The following TLE1 variants were observed in gnomAD, a reference collection of about 807,000 sequenced individuals.
TLE1 encodes the protein TLE family member 1, transcriptional corepressor.
In TLE1, 21 loss-of-function variants were observed where a neutral mutation model predicts 89.8. That is an observed-to-expected ratio of 0.23 (90% CI 0.17 to 0.34). The LOEUF is 0.34. TLE1 is among the 10% of genes least tolerant of loss of function. The pLI, the probability that TLE1 is intolerant of heterozygous loss-of-function variation, is 1.00. For synonymous variants in TLE1, 447 were observed against 407.6 expected (o/e 1.10, Z -1.16); for missense variants, 795 against 1,031.2 (o/e 0.77, Z 3.14).
intron 14 of TLE1, among the ~76,000 whole-genome samples, chr9:81,594,216 T>C (rs964847010): frequency 5.3e-5 from 8 of 152,326 alleles, no homozygotes; most frequent in Admixed American, 5.2e-4. Context: ...ACGGCCCCTC[T>C]GGGCCACAAG....
chr9:81,680,099 G>A (rs1205847001), intron 4 of TLE1, among the ~76,000 whole-genome samples: 1 of 152,158 alleles, frequency 6.6e-6, no homozygotes, highest in South Asian at 2.1e-4. Context: ...TGGGTTCTGC[G>A]GGTGTATGCT....
chr9:81,588,670 G>A (rs1012108699), intron 16 of TLE1, among the ~76,000 whole-genome samples: 2 of 152,174 alleles, frequency 1.3e-5, no homozygotes, highest in Admixed American at 6.5e-5. Context: ...CTGAGGGGAG[G>A]TCAGTGTAAG....
chr9:81,624,289 T>G (rs995974660), intron 8 of TLE1, among the ~76,000 whole-genome samples: 1 of 152,170 alleles, frequency 6.6e-6, no homozygotes, highest in Admixed American at 6.5e-5. Context: ...TACTTTAAAA[T>G]GAACTAGGAA....
At chr9:81,618,825 G>A (rs147518710) in intron 9 of TLE1, among the ~76,000 whole-genome samples, 189 of 152,266 alleles carry the variant, frequency 1.2e-3, no homozygotes, top group African/African-American at 4.3e-3. Context: ...TGAGTTTACC[G>A]TAATTTAAAT....
At chr9:81,636,722 C>T (rs1827408292) in intron 6 of TLE1, among the ~76,000 whole-genome samples, 1 of 152,018 alleles carries the variant, frequency 6.6e-6, no homozygotes, top group Admixed American at 6.6e-5. Flanking sequence ...TAAAGATTTC[C>T]GGCCAGGCAC....
At position 81,610,296 on chromosome 9, in the gene TLE1, C is replaced by T; in HGVS notation, c.1255G>A (p.Val419Met). 1 of 1,613,516 alleles carries T rather than the reference C, an allele frequency of 6.2e-7. No individual in the cohort carries two copies. Among genetic ancestry groups the T allele is most frequent in the South Asian group, 1.1e-5 (1 of 90,830 alleles). Residue 419 changes from valine to methionine, a missense_variant and splice_region_variant, in exon 14 of 20, where the codon GTG becomes ATG. Physicochemically the swap from Val to Met is conservative, Grantham distance 21. Transcript: ENST00000376499. ...AVVAYGRSPMVGFDPPPHMRV... is the reference protein window; with the variant it reads ...AVVAYGRSPMMGFDPPPHMRV... ...ATGTGAGGGGGAGGATCAAACCCCA[C>T]CTGGAAACAAAAATAAGGCATTGCA...
chr9:81,611,554 G>A (rs1022598746), intron 13 of TLE1, among the ~76,000 whole-genome samples: 1 of 152,184 alleles, frequency 6.6e-6, no homozygotes, highest in African/African-American at 2.4e-5. Context: ...AACAAAAAAC[G>A]TTTGGCCCTC....
At chr9:81,588,551 G>T (rs1828977475) in intron 16 of TLE1, among the ~76,000 whole-genome samples, 1 of 152,148 alleles carries the variant, frequency 6.6e-6, no homozygotes. Flanking sequence ...CGGAGCACAA[G>T]GTTGTTCTTT....
chr9:81,632,934 T>C (rs1826863201), intron 8 of TLE1, among the ~76,000 whole-genome samples: 2 of 152,232 alleles, frequency 1.3e-5, no homozygotes, highest in Admixed American at 6.5e-5. Context: ...CACAAAGGGA[T>C]TGTGATCTCT....
At chr9:81,587,019 T>A (rs1214711563) in intron 17 of TLE1, among the ~76,000 whole-genome samples, 1 of 152,234 alleles carries the variant, frequency 6.6e-6, no homozygotes, top group Non-Finnish European at 1.5e-5. Flanking sequence ...CAGAAAGCAT[T>A]TAAAATGGCA....
chr9:81,670,411 C>T (rs974121361), intron 4 of TLE1, among the ~76,000 whole-genome samples: 6 of 152,096 alleles, frequency 3.9e-5, no homozygotes, highest in Non-Finnish European at 7.4e-5. Flanking sequence ...CTGCAACCTC[C>T]GCCTCCCGGG....
rs558704626 is a variant in TLE1, at chr9:81,611,807, C to T, written c.1216G>A (p.Ala406Thr). 24 of 1,548,602 alleles carry T rather than the reference C, an allele frequency of 1.5e-5. No homozygotes were observed. In the East Asian group the frequency reaches 1.8e-4, roughly 11 times the overall value. The change falls in exon 13 of 20, where the codon GCC becomes ACC. Residue 406 changes from alanine to threonine, a missense_variant. Coordinates refer to ENST00000376499, the MANE Select transcript of TLE1 (RefSeq NM_005077.5). The part of the protein sequence containing the change: ...NMSPQMSAAA[A>T]AAAVVAYGRS... The stretch of plus-strand genomic sequence containing the variant: ...CCGTAGGCCACCACGGCGGCCGCGG[C>T]GGCTGCGGCGCTCATCTGGGGCGAC...
intron 6 of TLE1, among the ~76,000 whole-genome samples, chr9:81,639,258 G>T (rs1304574749): frequency 2.6e-5 from 4 of 151,828 alleles, no homozygotes; most frequent in African/African-American, 9.7e-5. Context: ...CACAGATGGG[G>T]TCTCACCATG....
At chr9:81,663,317 T>C (rs935516936) in intron 4 of TLE1, among the ~76,000 whole-genome samples, 10 of 143,042 alleles carry the variant, frequency 7.0e-5, no homozygotes, top group Non-Finnish European at 9.1e-5. Flanking sequence ...AACAGAGGTC[T>C]AAAGGAAATG....
intron 4 of TLE1, among the ~76,000 whole-genome samples, chr9:81,665,601 G>A (rs1831360707): frequency 6.6e-6 from 1 of 152,200 alleles, no homozygotes; most frequent in Non-Finnish European, 1.5e-5. Context: ...TCGTGAGGCA[G>A]ATTGCAGGGG....
At chr9:81,594,634 C>T (rs815860) in intron 14 of TLE1, among the ~76,000 whole-genome samples, 37,902 of 152,058 alleles carry the variant, frequency 0.25, 5,510 homozygotes, top group Middle Eastern at 0.48. Flanking sequence ...GAAGTTCAAA[C>T]CATAAACAAT....
At chr9:81,586,600 G>T (rs1828497597) in intron 17 of TLE1, among the ~76,000 whole-genome samples, 1 of 152,202 alleles carries the variant, frequency 6.6e-6, no homozygotes, top group African/African-American at 2.4e-5. Context: ...TGGATACAAT[G>T]ATATGCTGCT....
chr9:81,679,964 A>G (rs73647876), intron 4 of TLE1, among the ~76,000 whole-genome samples: 157 of 152,336 alleles, frequency 1.0e-3, no homozygotes, highest in African/African-American at 3.5e-3. Context: ...CTACCACTCA[A>G]GATGATTTAT....
In TLE1 at chr9:81,643,297, T is replaced by C. The variant is rs185562641; in HGVS notation, c.372+8917A>G. 2.6e-3 allele frequency among the ~76,000 whole-genome samples: 401 copies of C among 151,794 alleles called. 3 individuals carry two copies. Among genetic ancestry groups the C allele is most frequent in the African/African-American group, 9.4e-3 (390 of 41,416 alleles). Reference sequence around the variant, plus strand: ...CGTTGCCCAGGCTGGAGTACAATGGTGCGATCTCGGCTCACGGCAACCTCC... The same window carrying C: ...CGTTGCCCAGGCTGGAGTACAATGGCGCGATCTCGGCTCACGGCAACCTCC... On this transcript the variant is annotated intron_variant, in intron 6 of 19. Coordinates refer to ENST00000376499, the MANE Select transcript of TLE1 (RefSeq NM_005077.5).
Sources: gnomAD v4.1 joint callset for allele counts (sites outside exome capture counted in the v4.1 genomes callset) on GRCh38, gnomAD v4.1.1 for gene constraint, MANE v1.5 for transcripts, NCBI Gene and HGNC (gene_info 2026-07-23, HGNC 2026-07-21) for gene names.